The following RUNX1 variants were observed in gnomAD, a reference collection of about 807,000 sequenced individuals.
The protein encoded by RUNX1 is RUNX family transcription factor 1, also known as runt-related transcription factor 1.
Under a neutral mutation model 42.8 loss-of-function variants are expected in RUNX1, and 19 were observed. The ratio of observed to expected loss-of-function variants is 0.44; its 90% confidence interval spans 0.31 to 0.65. The LOEUF (loss-of-function observed/expected upper bound fraction) is 0.65. Ranked by LOEUF, RUNX1 falls within the 30% of genes least tolerant of loss-of-function variation. The pLI is 0.07. For missense variants in RUNX1, 528 were observed against 672.0 expected (o/e 0.79, Z 2.37); for synonymous variants, 271 against 289.4 (o/e 0.94, Z 0.64).
chr21:34,998,178 G>A lies in RUNX1; in HGVS notation c.58+50664C>T, dbSNP rs60445226. ...CAATATTAATATCTTTGCTGCCCTC[G>A]TTTCCTCTCAAGAAAATATTTAGGG... On this transcript the variant is annotated intron_variant, in intron 2 of 8. Coordinates refer to ENST00000675419, the MANE Select transcript of RUNX1 (RefSeq NM_001754.5). 1.5e-3 allele frequency among the ~76,000 whole-genome samples: 233 copies of A among 152,202 alleles called. 2 individuals are homozygous for A. The East Asian group carries it at 0.041, about 27-fold the overall frequency.
intron 7 of RUNX1, chr21:34,833,335 A>C (rs552140908): frequency 6.6e-6 from 1 of 152,278 alleles, no homozygotes; most frequent in South Asian, 2.1e-4. Context: ...CCATCTCCTG[A>C]CCTCGTGATC....
At chr21:35,012,090 A>G in intron 2 of RUNX1, among the ~76,000 whole-genome samples, 1 of 152,242 alleles carries the variant, frequency 6.6e-6, no homozygotes, top group East Asian at 1.9e-4. Context: ...ATAGTTGACT[A>G]AAGTAAATAT....
chr21:34,800,275 T>C (rs765712100), intron 7 of RUNX1, among the ~76,000 whole-genome samples: 3 of 152,250 alleles, frequency 2.0e-5, no homozygotes, highest in Non-Finnish European at 4.4e-5. Context: ...GGAGTCTTAA[T>C]TTTCAAAAGC....
At chr21:34,925,784 C>A (rs1344264827) in intron 2 of RUNX1, among the ~76,000 whole-genome samples, 1 of 152,112 alleles carries the variant, frequency 6.6e-6, no homozygotes, top group Non-Finnish European at 1.5e-5. Context: ...AATATTTTAG[C>A]ATGATTACAG....
intron 2 of RUNX1, among the ~76,000 whole-genome samples, chr21:34,993,414 T>C (rs183442962): frequency 6.6e-6 from 1 of 152,210 alleles, no homozygotes; most frequent in African/African-American, 2.4e-5. Flanking sequence ...CTCAGGGACT[T>C]TCCATTTGAT....
intron 2 of RUNX1, among the ~76,000 whole-genome samples, chr21:34,897,807 C>G (rs2058142393): frequency 6.6e-6 from 1 of 152,172 alleles, no homozygotes; most frequent in Non-Finnish European, 1.5e-5. Context: ...AAACTTTCCA[C>G]CCTAATCCCT....
Position 34,859,307 on chromosome 21 carries a change from T to C in RUNX1, c.613+167A>G. On this transcript the variant is annotated intron_variant, in intron 6 of 8. Transcript: ENST00000675419. ...AGAGCTCAGTGCACAGAAACAAGCT[T>C]TGAGTAGCGAGAGTATTGACAATGC... 4.6e-6 allele frequency: 3 copies of C among 645,482 alleles called. No homozygotes were observed. The South Asian group carries it at 5.5e-5, about 12-fold the overall frequency. 40.0% of individuals were successfully genotyped at this position (645,482 alleles called of 1,614,324 possible). A position where few individuals can be genotyped will look rare whatever the true frequency, so the allele number is the denominator to read the frequency against.
At chr21:34,803,356 G>A (rs1228278212) in intron 7 of RUNX1, among the ~76,000 whole-genome samples, 1 of 151,900 alleles carries the variant, frequency 6.6e-6, no homozygotes. Context: ...GACCATCCTC[G>A]CTAACACGGT....
chr21:34,929,497 T>C (rs1333807982), intron 2 of RUNX1, among the ~76,000 whole-genome samples: 1 of 152,226 alleles, frequency 6.6e-6, no homozygotes, highest in African/African-American at 2.4e-5. Context: ...GATTCTCATA[T>C]GTTTGACTTT....
chr21:34,930,291 T>TAA lies in RUNX1; in HGVS notation c.59-37330_59-37329dup, dbSNP rs1491171018. The stretch of plus-strand genomic sequence containing the variant: ...GTATGTATATATATATATATATATA[T>TAA]AAATAAATAAATAAAATTTTACAAC... On this transcript the variant is annotated intron_variant, in intron 2 of 8. Coordinates refer to ENST00000675419, the MANE Select transcript of RUNX1 (RefSeq NM_001754.5). Among the ~76,000 whole-genome samples the TAA allele has an allele frequency of 8.3e-4, 115 of 138,806 alleles. 2 individuals carry two copies. The highest frequency in any genetic ancestry group is 3.1e-3 in the African/African-American group (107 of 35,042). The allele number at this position is 138,806 out of a possible 152,430, so 91.1% of individuals were successfully genotyped here.
chr21:34,948,495 C>T (rs149408389), intron 2 of RUNX1, among the ~76,000 whole-genome samples: 3 of 152,294 alleles, frequency 2.0e-5, no homozygotes, highest in Non-Finnish European at 2.9e-5. Flanking sequence ...GCTTAAATTA[C>T]TCAAGGTTCA....
intron 7 of RUNX1, among the ~76,000 whole-genome samples, chr21:34,828,842 G>A (rs1013983683): frequency 1.3e-5 from 2 of 152,118 alleles, no homozygotes; most frequent in Non-Finnish European, 2.9e-5. Context: ...CTTGCTCTTG[G>A]ACTTCCCAGC....
intron 7 of RUNX1, among the ~76,000 whole-genome samples, chr21:34,828,839 T>C (rs553454275): frequency 2.6e-5 from 4 of 152,362 alleles, no homozygotes; most frequent in African/African-American, 9.6e-5. Flanking sequence ...CACCTTGCTC[T>C]TGGACTTCCC....
chr21:35,014,994 G>A (rs891512002), intron 2 of RUNX1, among the ~76,000 whole-genome samples: 2 of 152,258 alleles, frequency 1.3e-5, no homozygotes, highest in African/African-American at 4.8e-5. Context: ...GGTAGGAACT[G>A]AGGAAACAAG....
chr21:34,947,490 A>C (rs909620855), intron 2 of RUNX1, among the ~76,000 whole-genome samples: 2 of 152,212 alleles, frequency 1.3e-5, no homozygotes, highest in Non-Finnish European at 2.9e-5. Flanking sequence ...ATACATGTGA[A>C]TATGCTACAA....
At chr21:35,039,287 G>A (rs1267498112) in intron 2 of RUNX1, among the ~76,000 whole-genome samples, 1 of 152,144 alleles carries the variant, frequency 6.6e-6, no homozygotes, top group Non-Finnish European at 1.5e-5. Flanking sequence ...GAGCTGAGAA[G>A]ACCTGGTTTC....
rs117317937 is a variant in RUNX1 at position 35,004,239 on chromosome 21, C to T, written c.58+44603G>A. ...CAAGAGACTGGTTTGATACCAGTCA[C>T]ATCCATGATGGTGACATTCCATGGG... On this transcript the variant is annotated intron_variant, in intron 2 of 8. Coordinates refer to ENST00000675419, the MANE Select transcript of RUNX1 (RefSeq NM_001754.5). Among the ~76,000 whole-genome samples the T allele has an allele frequency of 5.7e-3, 869 of 152,370 alleles. 5 individuals are homozygous for T. Among genetic ancestry groups the T allele is most frequent in the South Asian group, 0.015 (71 of 4,834 alleles).
At chr21:34,888,627 G>C (rs2058033086) in intron 3 of RUNX1, 2 of 1,055,490 alleles carry the variant, frequency 1.9e-6, no homozygotes, top group South Asian at 4.6e-5. Context: ...GGGCCGGGCA[G>C]CGTGGTGCCC....
intron 2 of RUNX1, among the ~76,000 whole-genome samples, chr21:34,972,461 C>T (rs1009674388): frequency 6.6e-6 from 1 of 152,134 alleles, no homozygotes; most frequent in African/African-American, 2.4e-5. Flanking sequence ...CCCTATACAG[C>T]AAACAAATGA....
Sources: gnomAD v4.1 joint callset for allele counts (sites outside exome capture counted in the v4.1 genomes callset) on GRCh38, gnomAD v4.1.1 for gene constraint, MANE v1.5 for transcripts, NCBI Gene and HGNC (gene_info 2026-07-23, HGNC 2026-07-21) for gene names.